Variants in INPP4B observed in about 807,000 individuals in gnomAD.
The protein encoded by INPP4B is inositol polyphosphate-4-phosphatase type II B, also known as inositol polyphosphate 4-phosphatase type II.
INPP4B carries 55 observed loss-of-function variants against 122.5 expected under a neutral mutation model. The observed-to-expected ratio is 0.45, with a 90% confidence interval of 0.36 to 0.56. INPP4B has a LOEUF of 0.56. Ranked by LOEUF, INPP4B falls within the 20% of genes least tolerant of loss-of-function variation. The pLI is 0.00. For missense variants in INPP4B, 1,000 were observed against 1,097.7 expected (o/e 0.91, Z 1.26); for synonymous variants, 403 against 388.7 (o/e 1.04, Z -0.43).
Position 142,178,778 on chromosome 4 carries a change from A to G in INPP4B, c.1182-4969T>C, listed in dbSNP as rs537587789. Among the ~76,000 whole-genome samples, 5 of 151,566 alleles carry G rather than the reference A, an allele frequency of 3.3e-5. No individual in the cohort carries two copies. The East Asian group carries it at 9.7e-4, about 30-fold the overall frequency. On this transcript the variant is annotated intron_variant, in intron 15 of 25. Coordinates refer to ENST00000262992, the MANE Select transcript of INPP4B (RefSeq NM_001101669.3). ...CTGTGGCAGAATTAAGTGTCCAGAG[A>G]AAAAAAAATCTAGAACTATTTCCAC... is the stretch of plus-strand genomic sequence containing the variant.
chr4:142,554,608 C>A (rs745391206), intron 2 of INPP4B, among the ~76,000 whole-genome samples: 8 of 152,076 alleles, frequency 5.3e-5, no homozygotes, highest in South Asian at 2.1e-4. Flanking sequence ...ATCAAACTAC[C>A]CCTCATACCC....
chr4:142,048,476 A>C (rs1396832206), intron 25 of INPP4B, among the ~76,000 whole-genome samples: 1 of 152,092 alleles, frequency 6.6e-6, no homozygotes, highest in Non-Finnish European at 1.5e-5. Context: ...TTTACATGGA[A>C]GGATGGAAGA....
chr4:142,719,514 G>A (rs1332288764), intron 2 of INPP4B, among the ~76,000 whole-genome samples: 1 of 151,702 alleles, frequency 6.6e-6, no homozygotes, highest in African/African-American at 2.4e-5. Flanking sequence ...AGTAAAAATG[G>A]GGTTTCGCGA....
At chr4:142,557,931 A>G (rs532900317) in intron 2 of INPP4B, among the ~76,000 whole-genome samples, 1 of 152,272 alleles carries the variant, frequency 6.6e-6, no homozygotes, top group South Asian at 2.1e-4. Flanking sequence ...GGCTGCCACA[A>G]AACGAACTGT....
At chr4:142,371,890 A>C (rs541496193) in intron 7 of INPP4B, among the ~76,000 whole-genome samples, 109 of 152,116 alleles carry the variant, frequency 7.2e-4, no homozygotes, top group African/African-American at 2.6e-3. Context: ...AAAAAAAAAA[A>C]AACTAAAAAT....
At chr4:142,134,074 A>C (rs1802717638) in intron 18 of INPP4B, among the ~76,000 whole-genome samples, 2 of 152,112 alleles carry the variant, frequency 1.3e-5, no homozygotes, top group South Asian at 2.1e-4. Flanking sequence ...CCAGTGTTTT[A>C]TCTTTTCTGT....
At chr4:142,313,665 G>A (rs904711503) in intron 8 of INPP4B, among the ~76,000 whole-genome samples, 1 of 152,196 alleles carries the variant, frequency 6.6e-6, no homozygotes, top group Non-Finnish European at 1.5e-5. Context: ...TCAGCACAGA[G>A]ATTGGTAGTA....
At chr4:142,284,756 G>C (rs1208935894) in intron 9 of INPP4B, among the ~76,000 whole-genome samples, 2 of 152,044 alleles carry the variant, frequency 1.3e-5, no homozygotes, top group African/African-American at 4.8e-5. Flanking sequence ...GGTATAACTA[G>C]GGGTCGTGTA....
intron 11 of INPP4B, among the ~76,000 whole-genome samples, chr4:142,253,438 G>T (rs1323779587): frequency 6.6e-6 from 1 of 152,236 alleles, no homozygotes; most frequent in Non-Finnish European, 1.5e-5. Flanking sequence ...TTCCATCTGA[G>T]GTACCGGGTT....
chr4:142,318,742 T>C (rs1258226030), intron 7 of INPP4B, among the ~76,000 whole-genome samples: 1 of 152,216 alleles, frequency 6.6e-6, no homozygotes, highest in Non-Finnish European at 1.5e-5. Flanking sequence ...ATAAATTTCC[T>C]GCTCTATCAA....
intron 9 of INPP4B, among the ~76,000 whole-genome samples, chr4:142,285,103 A>C (rs1156680734): frequency 6.6e-6 from 1 of 152,020 alleles, no homozygotes; most frequent in East Asian, 1.9e-4. Context: ...GAGGGAGTGT[A>C]CTGGAAAGAG....
At chr4:142,696,005 G>A (rs1205154050) in intron 2 of INPP4B, among the ~76,000 whole-genome samples, 1 of 152,106 alleles carries the variant, frequency 6.6e-6, no homozygotes, top group African/African-American at 2.4e-5. Flanking sequence ...CAAGTTCAAG[G>A]AGAGCCAGCT....
At chr4:142,264,662 G>A (rs1741914800) in intron 10 of INPP4B, among the ~76,000 whole-genome samples, 1 of 152,166 alleles carries the variant, frequency 6.6e-6, no homozygotes, top group African/African-American at 2.4e-5. Flanking sequence ...AGAAGAAAGA[G>A]TTTGGATTTT....
chr4:142,604,702 GA>G (rs903362818), intron 2 of INPP4B, among the ~76,000 whole-genome samples: 3 of 152,018 alleles, frequency 2.0e-5, no homozygotes, highest in African/African-American at 7.2e-5. Flanking sequence ...ACAAAACACT[GA>G]TGAAAGAAAT....
intron 2 of INPP4B, among the ~76,000 whole-genome samples, chr4:142,722,119 A>C (rs1764768281): frequency 6.6e-6 from 1 of 152,234 alleles, no homozygotes; most frequent in South Asian, 2.1e-4. Flanking sequence ...ATACACACAC[A>C]CATATACATA....
intron 2 of INPP4B, among the ~76,000 whole-genome samples, chr4:142,545,145 A>T (rs1336085329): frequency 6.6e-6 from 1 of 152,224 alleles, no homozygotes; most frequent in African/African-American, 2.4e-5. Flanking sequence ...ATTGGTATAC[A>T]GTATTATAAT....
chr4:142,583,734 G>A (rs994091562), intron 2 of INPP4B: 6 of 152,154 alleles, frequency 3.9e-5, no homozygotes, highest in African/African-American at 7.2e-5. Context: ...CTACCTACAT[G>A]TGTAGAGTGG....
chr4:142,243,884 T>TGA (rs34168886), intron 11 of INPP4B, among the ~76,000 whole-genome samples: 137,769 of 151,580 alleles, frequency 0.91, 62,854 homozygotes, highest in East Asian at 0.96. Flanking sequence ...TGGTGCTACA[T>TGA]GGTAGAACAA....
intron 2 of INPP4B, among the ~76,000 whole-genome samples, chr4:142,657,632 G>T (rs1452547058): frequency 6.6e-6 from 1 of 152,192 alleles, no homozygotes; most frequent in Non-Finnish European, 1.5e-5. Flanking sequence ...ATTGTTTTGA[G>T]TTAAATTAGG....
Sources: allele counts gnomAD v4.1 joint callset (sites outside exome capture counted in the v4.1 genomes callset), GRCh38; gene constraint gnomAD v4.1.1; transcripts MANE v1.5; gene names NCBI Gene and HGNC (gene_info 2026-07-23, HGNC 2026-07-21).